The following PSMA1 variants were observed in gnomAD, a reference collection of about 807,000 sequenced individuals.
PSMA1 encodes the protein proteasome 20S subunit alpha 1, also known as proteasome subunit alpha type-1.
In PSMA1, 3 loss-of-function variants were observed where a neutral mutation model predicts 38.4. The ratio of observed to expected loss-of-function variants is 0.08; its 90% confidence interval spans 0.04 to 0.20. The LOEUF (loss-of-function observed/expected upper bound fraction) is 0.20. Among genes scored for constraint, PSMA1 ranks in the 10% least tolerant of loss-of-function variants. The probability of loss-of-function intolerance (pLI) is 1.00; values close to 1 mark genes in which losing one functional copy is unlikely to be tolerated. For synonymous variants in PSMA1, 101 were observed against 107.1 expected (o/e 0.94, Z 0.35); for missense variants, 227 against 325.3 (o/e 0.70, Z 2.32).
chr11:14,507,795 A>G (rs772708744), intron 8 of PSMA1, 29 bp from the exon 9 acceptor site: 1 of 1,404,382 alleles, frequency 7.1e-7, no homozygotes, highest in African/African-American at 1.4e-5. Context: ...TAAAAGTAAA[A>G]TAAGAGAATT....
chr11:14,588,518 C>T (rs969306402), intron 2 of PSMA1, among the ~76,000 whole-genome samples: 1 of 152,030 alleles, frequency 6.6e-6, no homozygotes, highest in African/African-American at 2.4e-5. Flanking sequence ...AAAGAAAAAA[C>T]AGAGTTTGGA....
At chr11:14,578,199 T>G (rs1244426711) in intron 2 of PSMA1, among the ~76,000 whole-genome samples, 2 of 152,200 alleles carry the variant, frequency 1.3e-5, no homozygotes, top group African/African-American at 4.8e-5. Context: ...GTTCTGCACA[T>G]GTACCCCAGA....
chr11:14,528,945 C>T (rs2134158157), intron 2 of PSMA1, among the ~76,000 whole-genome samples: 1 of 151,996 alleles, frequency 6.6e-6, no homozygotes, highest in South Asian at 2.1e-4. Flanking sequence ...AATGATAATC[C>T]ACCACCCGTT....
chr11:14,532,265 AG>A (rs2134159918), intron 2 of PSMA1, among the ~76,000 whole-genome samples: 1 of 152,348 alleles, frequency 6.6e-6, no homozygotes, highest in Non-Finnish European at 1.5e-5. Context: ...TCAAATATAT[AG>A]GAAAAACAGC....
intron 7 of PSMA1, 29 bp from the exon 8 acceptor site, chr11:14,510,980 T>G (rs765370315): frequency 7.1e-7 from 1 of 1,398,906 alleles, no homozygotes; most frequent in South Asian, 1.3e-5. Context: ...CAATTATTTC[T>G]TAATTTCATT....
chr11:14,546,017 C>T (rs1274825813), intron 2 of PSMA1, among the ~76,000 whole-genome samples: 1 of 152,028 alleles, frequency 6.6e-6, no homozygotes, highest in Non-Finnish European at 1.5e-5. Flanking sequence ...CTCTAGACTC[C>T]TTTGGGGGGG....
chr11:14,561,799 CTAAACTAAAT>C (rs1434878770), intron 2 of PSMA1, among the ~76,000 whole-genome samples: 11 of 141,808 alleles, frequency 7.8e-5, no homozygotes, highest in South Asian at 4.6e-4. Flanking sequence ...CTAAACTAAA[CTAAACTAAAT>C]TAAACTAAAC....
chr11:14,555,844 A>C (rs1041782432), intron 2 of PSMA1, among the ~76,000 whole-genome samples: 1 of 152,174 alleles, frequency 6.6e-6, no homozygotes. Flanking sequence ...TGATACAATC[A>C]TTTTGTTTTC....
intron 2 of PSMA1, among the ~76,000 whole-genome samples, chr11:14,573,477 A>G (rs937906349): frequency 6.6e-6 from 1 of 152,224 alleles, no homozygotes. Context: ...TCATGCTAAA[A>G]ACTCTCAATA....
At chr11:14,531,540 G>A (rs926674540) in intron 2 of PSMA1, among the ~76,000 whole-genome samples, 15 of 152,098 alleles carry the variant, frequency 9.9e-5, no homozygotes, top group African/African-American at 2.7e-4. Flanking sequence ...TTAGCTCACC[G>A]TAGCCTCGAC....
At chr11:14,619,628 AT>A (rs1852816775) in intron 1 of PSMA1, among the ~76,000 whole-genome samples, 1 of 152,240 alleles carries the variant, frequency 6.6e-6, no homozygotes, top group Non-Finnish European at 1.5e-5. Flanking sequence ...TTTATATCAT[AT>A]AATAGATTGC....
upstream of PSMA1, chr11:14,520,531 T>C: frequency 1.4e-6 from 2 of 1,389,120 alleles, no homozygotes; most frequent in Non-Finnish European, 1.9e-6. Flanking sequence ...GAACTGAGAC[T>C]GGCGGGAAAA....
intron 2 of PSMA1, among the ~76,000 whole-genome samples, chr11:14,544,058 G>A (rs1851799963): frequency 6.6e-6 from 1 of 151,884 alleles, no homozygotes; most frequent in Non-Finnish European, 1.5e-5. Context: ...TTTCTTTTTT[G>A]AGACACGATC....
At chr11:14,576,013 A>G (rs1852209303) in intron 2 of PSMA1, among the ~76,000 whole-genome samples, 2 of 152,208 alleles carry the variant, frequency 1.3e-5, no homozygotes, top group South Asian at 4.1e-4. Context: ...ATGGCCAGTG[A>G]TGATGAGCAT....
intron 2 of PSMA1, among the ~76,000 whole-genome samples, chr11:14,599,444 C>T (rs1379433401): frequency 6.6e-6 from 1 of 152,088 alleles, no homozygotes. Flanking sequence ...TTTCTTTTTA[C>T]TCTTTTTTCT....
At chr11:14,609,863 G>A (rs1410429636) in intron 2 of PSMA1, among the ~76,000 whole-genome samples, 1 of 152,302 alleles carries the variant, frequency 6.6e-6, no homozygotes, top group East Asian at 1.9e-4. Context: ...ACGATCACCT[G>A]GATGCTTTGC....
chr11:14,541,048 C>T (rs1851768602), intron 2 of PSMA1, among the ~76,000 whole-genome samples: 1 of 151,992 alleles, frequency 6.6e-6, no homozygotes, highest in South Asian at 2.1e-4. Context: ...TGTAACAAAC[C>T]TGCACGTTGT....
At chr11:14,632,205 CATT>C (rs1411978506) in intron 1 of PSMA1, among the ~76,000 whole-genome samples, 1 of 145,968 alleles carries the variant, frequency 6.9e-6, no homozygotes, top group East Asian at 2.0e-4. Context: ...TTGATCCTGT[CATT>C]ATTATGTTAG....
At chr11:14,620,588 G>A (rs1475783912) in intron 1 of PSMA1, among the ~76,000 whole-genome samples, 1 of 152,192 alleles carries the variant, frequency 6.6e-6, no homozygotes, top group East Asian at 1.9e-4. Flanking sequence ...TTCTATTCTG[G>A]AAGGCTCTGT....
Sources: allele counts gnomAD v4.1 joint callset (sites outside exome capture counted in the v4.1 genomes callset), GRCh38; gene constraint gnomAD v4.1.1; transcripts MANE v1.5; gene names NCBI Gene and HGNC (gene_info 2026-07-23, HGNC 2026-07-21).